BTBD10: variants seen among roughly 807,000 people sequenced by gnomAD.
The protein encoded by BTBD10 is BTB/POZ domain-containing protein 10.
BTBD10 carries 21 observed loss-of-function variants against 53.2 expected under a neutral mutation model. That is an observed-to-expected ratio of 0.39 (90% CI 0.28 to 0.57). BTBD10 has a LOEUF of 0.57. Among genes scored for constraint, BTBD10 ranks in the 20% least tolerant of loss-of-function variants. BTBD10 has a pLI of 0.53. For synonymous variants in BTBD10, 149 were observed against 192.7 expected (o/e 0.77, Z 1.88); for missense variants, 360 against 594.7 (o/e 0.61, Z 4.10).
chr11:13,440,293 C>A (rs1439394304), intron 2 of BTBD10: 2 of 1,165,216 alleles, frequency 1.7e-6, no homozygotes, highest in East Asian at 6.1e-5. Context: ...CTGTGATCGT[C>A]CCATTTCTCC....
rs542708049 is a variant in BTBD10, at chr11:13,439,389, A to T, written c.101+5635T>A. 9.9e-5 allele frequency among the ~76,000 whole-genome samples: 15 copies of T among 152,258 alleles called. No homozygotes were observed. In the East Asian group the frequency reaches 2.9e-3, roughly 29 times the overall value. On this transcript the variant is annotated intron_variant, in intron 2 of 8. Transcript: ENST00000278174. ...GTTTCTGGGTTCTTTGACTTGAAAG[A>T]AAGTCACTTTAACCAATTAGAGCTT...
chr11:13,458,744 G>T (rs1456208318), intron 1 of BTBD10, among the ~76,000 whole-genome samples: 1 of 152,164 alleles, frequency 6.6e-6, no homozygotes, highest in Non-Finnish European at 1.5e-5. Context: ...TAAGAAACAA[G>T]AATGTCTCGC....
chr11:13,443,856 T>C (rs1440240892), intron 2 of BTBD10, among the ~76,000 whole-genome samples: 1 of 152,058 alleles, frequency 6.6e-6, no homozygotes, highest in East Asian at 1.9e-4. Flanking sequence ...AGTGTTGGGA[T>C]TACAGACATG....
chr11:13,390,271 T>C (rs1461282071), intron 8 of BTBD10, among the ~76,000 whole-genome samples: 1 of 152,172 alleles, frequency 6.6e-6, no homozygotes, highest in Non-Finnish European at 1.5e-5. Flanking sequence ...TGGTTTCTAC[T>C]AGAGCTACTT....
chr11:13,458,192 C>A (rs952841106), intron 1 of BTBD10, among the ~76,000 whole-genome samples: 1 of 147,410 alleles, frequency 6.8e-6, no homozygotes, highest in East Asian at 2.0e-4. Context: ...ATATCATTCA[C>A]TAGGGAAGCA....
At chr11:13,454,889 GT>G (rs1487303864) in intron 1 of BTBD10, among the ~76,000 whole-genome samples, 3 of 151,892 alleles carry the variant, frequency 2.0e-5, no homozygotes, top group African/African-American at 7.2e-5. Context: ...AGGATCTGTT[GT>G]TTATTTATTT....
chr11:13,418,390 A>G (rs1044585432), intron 4 of BTBD10, among the ~76,000 whole-genome samples: 3 of 152,100 alleles, frequency 2.0e-5, no homozygotes, highest in Admixed American at 6.5e-5. Flanking sequence ...TGAACACTTT[A>G]AAACGTTTTT....
At chr11:13,450,666 A>G (rs1197102567) in intron 1 of BTBD10, among the ~76,000 whole-genome samples, 1 of 152,228 alleles carries the variant, frequency 6.6e-6, no homozygotes, top group African/African-American at 2.4e-5. Context: ...AAGAACTGAA[A>G]GAGCTTGAGG....
intron 2 of BTBD10, among the ~76,000 whole-genome samples, chr11:13,437,074 C>T (rs1244926925): frequency 3.3e-5 from 5 of 152,348 alleles, no homozygotes; most frequent in South Asian, 2.1e-4. Flanking sequence ...TGAGACATCA[C>T]GCCCAGCCCA....
At chr11:13,419,820 T>C in intron 3 of BTBD10, 75 bp from the exon 4 acceptor site, 1 of 1,276,148 alleles carries the variant, frequency 7.8e-7, no homozygotes, top group Non-Finnish European at 1.1e-6. Flanking sequence ...TCTTTTTAAA[T>C]GTTTGATTTA....
intron 6 of BTBD10, among the ~76,000 whole-genome samples, chr11:13,410,400 G>T (rs1172308109): frequency 6.6e-6 from 1 of 152,094 alleles, no homozygotes; most frequent in Non-Finnish European, 1.5e-5. Flanking sequence ...AAGCCTAAAA[G>T]AAATGTCTTT....
intron 2 of BTBD10, among the ~76,000 whole-genome samples, chr11:13,436,122 G>A (rs1294589121): frequency 1.3e-5 from 2 of 152,156 alleles, no homozygotes; most frequent in East Asian, 1.9e-4. Context: ...TCTACAAAGT[G>A]TCCTCGAATT....
At chr11:13,454,463 G>T (rs1950923820) in intron 1 of BTBD10, among the ~76,000 whole-genome samples, 1 of 152,154 alleles carries the variant, frequency 6.6e-6, no homozygotes, top group Non-Finnish European at 1.5e-5. Flanking sequence ...GACCTTTTCT[G>T]ATTTGTTACA....
intron 4 of BTBD10, among the ~76,000 whole-genome samples, chr11:13,418,068 T>G (rs917360516): frequency 6.6e-6 from 1 of 152,100 alleles, no homozygotes; most frequent in Non-Finnish European, 1.5e-5. Flanking sequence ...AACCTCTAGA[T>G]CCTATGGTAC....
intron 6 of BTBD10, among the ~76,000 whole-genome samples, chr11:13,412,696 T>A (rs1358303245): frequency 2.0e-5 from 3 of 152,236 alleles, no homozygotes; most frequent in Non-Finnish European, 4.4e-5. Flanking sequence ...ATCTACTCTT[T>A]GTAAATCATT....
intron 8 of BTBD10, among the ~76,000 whole-genome samples, chr11:13,391,763 G>A (rs1254168940): frequency 1.3e-5 from 2 of 152,212 alleles, no homozygotes; most frequent in Non-Finnish European, 2.9e-5. Context: ...GACCAACATG[G>A]TGAAACCCCA....
At chr11:13,438,993 A>G (rs776334968) in intron 2 of BTBD10, among the ~76,000 whole-genome samples, 2 of 152,054 alleles carry the variant, frequency 1.3e-5, no homozygotes, top group Non-Finnish European at 2.9e-5. Context: ...CATGACAACC[A>G]TAAGATGACC....
intron 2 of BTBD10, among the ~76,000 whole-genome samples, chr11:13,432,219 T>C (rs1214144482): frequency 1.3e-5 from 2 of 152,050 alleles, no homozygotes; most frequent in Non-Finnish European, 2.9e-5. Context: ...AGAGAGGGTG[T>C]AACTATAAAG....
At chr11:13,401,517 G>A (rs1408975048) in intron 8 of BTBD10, among the ~76,000 whole-genome samples, 6 of 152,176 alleles carry the variant, frequency 3.9e-5, no homozygotes, top group African/African-American at 1.4e-4. Flanking sequence ...GAGGTTCCAA[G>A]AAGGTTTCAG....
Sources: allele counts gnomAD v4.1 joint callset (sites outside exome capture counted in the v4.1 genomes callset), GRCh38; gene constraint gnomAD v4.1.1; transcripts MANE v1.5; gene names NCBI Gene and HGNC (gene_info 2026-07-23, HGNC 2026-07-21).